Variants in PEBP4 observed in about 807,000 individuals in gnomAD.
PEBP4 encodes the protein phosphatidylethanolamine binding protein 4.
In PEBP4, 22 loss-of-function variants were observed where a neutral mutation model predicts 23.9. That is an observed-to-expected ratio of 0.92 (90% CI 0.66 to 1.31). PEBP4 has a LOEUF of 1.31. Ranked by LOEUF, PEBP4 falls within the 40% of genes most tolerant of loss-of-function variation. The pLI is 0.00. For synonymous variants in PEBP4, 112 were observed against 99.3 expected (o/e 1.13, Z -0.76); for missense variants, 324 against 281.7 (o/e 1.15, Z -1.07).
chr8:22,933,502 G>A (rs1191609787), intron 1 of PEBP4, among the ~76,000 whole-genome samples: 1 of 152,182 alleles, frequency 6.6e-6, no homozygotes, highest in African/African-American at 2.4e-5. Flanking sequence ...AGCCCAGGGG[G>A]CATTGGGATG....
At chr8:22,716,611 A>G (rs549025286) in intron 6 of PEBP4, among the ~76,000 whole-genome samples, 8 of 152,344 alleles carry the variant, frequency 5.3e-5, no homozygotes, top group African/African-American at 9.6e-5. Context: ...AAGCTTCCCA[A>G]ATCTGTGGGG....
At chr8:22,932,341 G>T (rs971208637), upstream of PEBP4, among the ~76,000 whole-genome samples, 2 of 152,136 alleles carry the variant, frequency 1.3e-5, no homozygotes, top group African/African-American at 4.8e-5. Flanking sequence ...CTATGTGATG[G>T]TTGCACATAT....
intron 3 of PEBP4, among the ~76,000 whole-genome samples, chr8:22,904,187 C>T (rs1419897008): frequency 1.3e-5 from 2 of 152,080 alleles, no homozygotes; most frequent in Non-Finnish European, 2.9e-5. Flanking sequence ...GGCTCCCTGG[C>T]TGATCTGCAC....
At chr8:22,720,199 T>C (rs1804491958) in intron 6 of PEBP4, among the ~76,000 whole-genome samples, 2 of 151,948 alleles carry the variant, frequency 1.3e-5, no homozygotes, top group South Asian at 2.1e-4. Context: ...ACAAAAGAGA[T>C]CAAAGCAGAT....
chr8:22,896,897 A>G (rs1007458511), intron 3 of PEBP4, among the ~76,000 whole-genome samples: 3 of 150,564 alleles, frequency 2.0e-5, no homozygotes, highest in South Asian at 2.1e-4. Context: ...TATAATATAT[A>G]TGGTATATTT....
At chr8:22,812,990 G>T (rs774986990) in intron 4 of PEBP4, among the ~76,000 whole-genome samples, 9 of 152,160 alleles carry the variant, frequency 5.9e-5, no homozygotes, top group Non-Finnish European at 1.3e-4. Context: ...GCTCAGCAGT[G>T]GAACCGATCA....
intron 1 of PEBP4, among the ~76,000 whole-genome samples, chr8:22,938,692 G>T (rs1246320008): frequency 3.3e-5 from 5 of 151,950 alleles, no homozygotes; most frequent in African/African-American, 9.7e-5. Context: ...ATTCCTAAAG[G>T]TCACACTTCC....
rs1805792534 is a variant in PEBP4, at chr8:22,775,258, C to T, written c.357+42379G>A. Among the ~76,000 whole-genome samples the T allele has an allele frequency of 6.6e-6, 1 of 152,224 alleles. No homozygotes were observed. The highest frequency in any genetic ancestry group is 2.4e-5 in the African/African-American group (1 of 41,454). The stretch of plus-strand genomic sequence containing the variant: ...AGCTGCCTCTCTCAGCAGCATCTTT[C>T]AGGGACCCGGAAGCCCCAAGCATCT... On this transcript the variant is annotated intron_variant, in intron 4 of 6. Transcript: ENST00000256404. This position sits in a 1 kb window ranked among gnomAD's most constrained non-coding sequence, Gnocchi z 4.8.
At chr8:22,713,578 C>T (rs1449376682) in intron 6 of PEBP4, 42 bp from the exon 7 acceptor site, 1 of 1,613,116 alleles carries the variant, frequency 6.2e-7, no homozygotes, top group African/African-American at 1.3e-5. Context: ...TGAGAAAGAG[C>T]CATGGACTTG....
intron 3 of PEBP4, among the ~76,000 whole-genome samples, chr8:22,838,145 C>T (rs1807245862): frequency 6.6e-6 from 1 of 152,112 alleles, no homozygotes; most frequent in African/African-American, 2.4e-5. Context: ...CAGCGATCCT[C>T]TCACCTTGGC....
intron 4 of PEBP4, among the ~76,000 whole-genome samples, chr8:22,728,513 A>C (rs13251408): frequency 0.14 from 21,034 of 148,066 alleles, 1,903 homozygotes; most frequent in Middle Eastern, 0.21. Context: ...TCCTTCCTTC[A>C]TTCCTTGCTG....
At chr8:22,787,130 T>C (rs1407655220) in intron 4 of PEBP4, among the ~76,000 whole-genome samples, 2 of 152,226 alleles carry the variant, frequency 1.3e-5, no homozygotes, top group South Asian at 2.1e-4. Context: ...AGCTAAGGGC[T>C]GGTCCCTTCT....
rs1805245202 is a variant in PEBP4 at position 22,751,060 on chromosome 8, A to C, written c.358-23840T>G. ...TGACGCCCACGCAGCGGGCAGAAGC[A>C]TGCTCTCGGCTCCAACACACCTTCT... On this transcript the variant is annotated intron_variant, in intron 4 of 6. Coordinates refer to ENST00000256404, the MANE Select transcript of PEBP4 (RefSeq NM_144962.3). Among the ~76,000 whole-genome samples, 3 of 152,214 alleles carry C rather than the reference A, an allele frequency of 2.0e-5. No homozygotes were observed. In the South Asian group the frequency reaches 6.2e-4, roughly 31 times the overall value.
intron 4 of PEBP4, among the ~76,000 whole-genome samples, chr8:22,767,610 G>A (rs1027257540): frequency 1.7e-4 from 26 of 151,810 alleles, no homozygotes; most frequent in African/African-American, 6.3e-4. Flanking sequence ...CTTGCCGGGG[G>A]TATATGGATG....
chr8:22,889,218 C>T (rs947862439), intron 3 of PEBP4, among the ~76,000 whole-genome samples: 1 of 152,164 alleles, frequency 6.6e-6, no homozygotes, highest in Non-Finnish European at 1.5e-5. Flanking sequence ...TCCTACCATA[C>T]AGGATTTGTT....
chr8:22,716,752 C>T (rs1804427517), intron 6 of PEBP4, among the ~76,000 whole-genome samples: 1 of 152,208 alleles, frequency 6.6e-6, no homozygotes, highest in African/African-American at 2.4e-5. Context: ...CTTACCCTGG[C>T]CCCCTTGCAG....
chr8:22,746,095 C>T (rs1805109977), intron 4 of PEBP4, among the ~76,000 whole-genome samples: 1 of 151,170 alleles, frequency 6.6e-6, no homozygotes, highest in Admixed American at 6.6e-5. Flanking sequence ...CAGGAGAAGC[C>T]TTTTCATATT....
Position 22,771,893 on chromosome 8 carries a change from T to C in PEBP4, c.358-44673A>G, listed in dbSNP as rs559754302. On this transcript the variant is annotated intron_variant, in intron 4 of 6. Coordinates refer to ENST00000256404, the MANE Select transcript of PEBP4 (RefSeq NM_144962.3). ...AATAGGTATAAATATGACTGCAAAA[T>C]TGCCCTGAGCTGCTACTCTCAGCAC... 5.9e-5 allele frequency among the ~76,000 whole-genome samples: 9 copies of C among 152,354 alleles called. No homozygotes were observed. In the East Asian group the frequency reaches 1.7e-3, roughly 29 times the overall value.
intron 4 of PEBP4, among the ~76,000 whole-genome samples, chr8:22,813,796 C>T (rs1373348035): frequency 1.3e-5 from 2 of 152,136 alleles, no homozygotes; most frequent in Non-Finnish European, 2.9e-5. Flanking sequence ...TCTGTCTCTG[C>T]CTGTCCTAGC....
Sources: allele counts gnomAD v4.1 joint callset (sites outside exome capture counted in the v4.1 genomes callset), GRCh38; gene constraint gnomAD v4.1.1; non-coding constraint Gnocchi (gnomAD v3.1); transcripts MANE v1.5; gene names NCBI Gene and HGNC (gene_info 2026-07-23, HGNC 2026-07-21).